Variants in PIK3C3 observed in about 807,000 individuals in gnomAD.
PIK3C3 encodes PI3-kinase type 3.
PIK3C3 carries 95 observed loss-of-function variants against 126.1 expected under a neutral mutation model. The ratio of observed to expected loss-of-function variants is 0.75; its 90% CI spans 0.64 to 0.89. PIK3C3 has a LOEUF of 0.89. PIK3C3 is among the 40% of genes least tolerant of loss of function. The pLI, the probability that PIK3C3 is intolerant of heterozygous loss-of-function variation, is 0.00. For synonymous variants in PIK3C3, 374 were observed against 360.0 expected (o/e 1.04, Z -0.44); for missense variants, 829 against 1,063.2 (o/e 0.78, Z 3.06).
At chr18:42,021,169 T>G (rs1983304488) in intron 13 of PIK3C3, among the ~76,000 whole-genome samples, 1 of 152,192 alleles carries the variant, frequency 6.6e-6, no homozygotes, top group Admixed American at 6.5e-5. Context: ...GATCTAGGAT[T>G]AAATCATTTA....
rs1457209949 is a variant in PIK3C3 at position 42,067,400 on chromosome 18, T to C, written c.2536T>C (p.Phe846Leu). The stretch of plus-strand genomic sequence containing the variant: ...TGTTATCTTATAGGTTCAGGATAAA[T>C]TCCGCTTAGACCTGTCGGATGAAGA... ...DKTVKKVQDK[F>L]RLDLSDEEAV... is the part of the protein sequence containing the mutation. The change falls in exon 24 of 25, where the codon TTC (phenylalanine) becomes CTC (leucine). Residue 846 changes from phenylalanine (F) to leucine (L), a missense_variant. By Grantham distance (22) the Phe-to-Leu change is conservative. Coordinates refer to ENST00000262039, the MANE Select transcript of PIK3C3 (RefSeq NM_002647.4). 6.8e-6 allele frequency: 11 copies of C among 1,613,952 alleles called. No individual in the cohort carries two copies. Among genetic ancestry groups the C allele is most frequent in the Non-Finnish European group, 9.3e-6 (11 of 1,179,920 alleles).
In PIK3C3 at chr18:42,081,468, A is replaced by C. The variant is rs1986248716; in HGVS notation, c.*331A>C. ...ATATGTTGAAATAGTAAAACATTTT[A>C]GTTTTTGAGTTTAAAATGTTATTTT... On this transcript the variant is annotated 3_prime_UTR_variant, in exon 25 of 25. Coordinates refer to ENST00000262039, the MANE Select transcript of PIK3C3 (RefSeq NM_002647.4). 1 of 252,172 alleles carries C rather than the reference A, an allele frequency of 4.0e-6. No homozygotes were observed. Among genetic ancestry groups the C allele is most frequent in the Admixed American group, 5.4e-5 (1 of 18,504 alleles). 15.6% of individuals were successfully genotyped at this position (252,172 alleles called of 1,614,324 possible).
chr18:41,964,210 T>C (rs1980241065), intron 3 of PIK3C3, among the ~76,000 whole-genome samples: 1 of 152,146 alleles, frequency 6.6e-6, no homozygotes, highest in Non-Finnish European at 1.5e-5. Context: ...GTCCCAACAC[T>C]GCTTATTAAA....
chr18:42,050,130 A>G (rs185081667), intron 21 of PIK3C3: 1 of 152,506 alleles, frequency 6.6e-6, no homozygotes, highest in Admixed American at 6.5e-5. Context: ...CATTTTGCCC[A>G]CACTTCTGTA....
At chr18:41,995,500 G>C (rs1177723684) in intron 7 of PIK3C3, among the ~76,000 whole-genome samples, 1 of 152,140 alleles carries the variant, frequency 6.6e-6, no homozygotes, top group African/African-American at 2.4e-5. Context: ...CTGCTAAGAT[G>C]ATAATACAGT....
At chr18:42,065,779 G>A (rs545167058) in intron 23 of PIK3C3, among the ~76,000 whole-genome samples, 18 of 152,092 alleles carry the variant, frequency 1.2e-4, no homozygotes, top group Non-Finnish European at 2.5e-4. Context: ...AACAATTAGT[G>A]TATGTGTTAA....
intron 5 of PIK3C3, among the ~76,000 whole-genome samples, chr18:41,989,124 G>A (rs761847185): frequency 6.6e-6 from 1 of 151,856 alleles, no homozygotes; most frequent in Non-Finnish European, 1.5e-5. Flanking sequence ...AGGTCTTGCT[G>A]TGTCACCCAG....
At position 42,087,305 on chromosome 18, in the gene PIK3C3, T is replaced by C. The variant is rs1986418436; in HGVS notation, c.*6168T>C. 6.6e-6 allele frequency: 1 copy of C among 152,310 alleles called. No individual in the cohort carries two copies. The highest frequency in any genetic ancestry group is 1.5e-5 in the Non-Finnish European group (1 of 68,120). The allele number at this position is 152,310 out of a possible 1,614,324, so 9.4% of individuals were successfully genotyped here. ...TTGGTGGTGAATGCGCCAAATTTTA[T>C]AGTCCGGTTTGAGGAGGTGGTTTCT... On this transcript the variant is annotated 3_prime_UTR_variant, in exon 25 of 25. Coordinates refer to ENST00000262039, the MANE Select transcript of PIK3C3 (RefSeq NM_002647.4).
At chr18:41,986,971 G>T (rs765110661) in intron 4 of PIK3C3, among the ~76,000 whole-genome samples, 1 of 152,036 alleles carries the variant, frequency 6.6e-6, no homozygotes, top group Non-Finnish European at 1.5e-5. Context: ...CAAGAGAGAT[G>T]AAATTGGTGG....
intron 21 of PIK3C3, among the ~76,000 whole-genome samples, chr18:42,056,828 T>C (rs968059016): frequency 1.3e-5 from 2 of 152,076 alleles, no homozygotes; most frequent in Non-Finnish European, 2.9e-5. Context: ...TAAGAGACTA[T>C]AGGGATGCTG....
rs1981837264 is a variant in PIK3C3, at chr18:41,992,706, AG to A, written c.715-563del. 2.0e-5 allele frequency among the ~76,000 whole-genome samples: 3 copies of A among 152,170 alleles called. No individual in the cohort carries two copies. In the South Asian group the frequency reaches 6.2e-4, roughly 31 times the overall value. On this transcript the variant is annotated intron_variant, in intron 6 of 24. Coordinates refer to ENST00000262039, the MANE Select transcript of PIK3C3 (RefSeq NM_002647.4). ...ACTGATTGATTGATTTTATTATTCA[AG>A]TTTAGATTATGTTGAGCAGGTGTCC... is the stretch of plus-strand genomic sequence containing the variant.
chr18:42,020,856 C>T (rs1484238417), intron 13 of PIK3C3, 151 bp downstream of exon 13: 3 of 560,756 alleles, frequency 5.3e-6, no homozygotes, highest in Non-Finnish European at 9.5e-6. Context: ...TCCCTGACAG[C>T]TGGGTTCATG....
At chr18:42,057,429 AT>A (rs1422905117) in intron 21 of PIK3C3, among the ~76,000 whole-genome samples, 1 of 151,916 alleles carries the variant, frequency 6.6e-6, no homozygotes, top group Admixed American at 6.6e-5. Flanking sequence ...CCTTTCTAAA[AT>A]TTTTTTTGAG....
intron 12 of PIK3C3, among the ~76,000 whole-genome samples, chr18:42,018,629 T>G (rs1983183223): frequency 6.6e-6 from 1 of 152,084 alleles, no homozygotes; most frequent in Non-Finnish European, 1.5e-5. Context: ...CTCTTATTAC[T>G]CGGACTTTAC....
At chr18:42,043,274 G>T (rs758730763) in intron 19 of PIK3C3, among the ~76,000 whole-genome samples, 2 of 151,920 alleles carry the variant, frequency 1.3e-5, no homozygotes, top group Non-Finnish European at 1.5e-5. Flanking sequence ...TTGTATTTTA[G>T]TAGAGACTGG....
At chr18:41,970,635 C>A in intron 4 of PIK3C3, 179 bp downstream of exon 4, 1 of 644,920 alleles carries the variant, frequency 1.6e-6, no homozygotes, top group South Asian at 1.9e-5. Context: ...AGCATACAGT[C>A]TGATGGTTTA....
chr18:42,007,162 C>G (rs984261610), intron 10 of PIK3C3, among the ~76,000 whole-genome samples: 4 of 152,126 alleles, frequency 2.6e-5, no homozygotes, highest in Non-Finnish European at 5.9e-5. Context: ...GCCACCACAC[C>G]CGGCCTTAAA....
chr18:41,991,845 GA>G (rs1169040578), intron 6 of PIK3C3, among the ~76,000 whole-genome samples: 4 of 151,954 alleles, frequency 2.6e-5, no homozygotes, highest in African/African-American at 7.3e-5. Context: ...TAATTTATTA[GA>G]AAAAATACAT....
chr18:42,042,458 G>A (rs1048462159), intron 19 of PIK3C3, among the ~76,000 whole-genome samples: 1 of 152,148 alleles, frequency 6.6e-6, no homozygotes, highest in Non-Finnish European at 1.5e-5. Flanking sequence ...CTGGGGACCC[G>A]TTTAACATAC....
Sources: gnomAD v4.1 joint callset for allele counts (sites outside exome capture counted in the v4.1 genomes callset) on GRCh38, gnomAD v4.1.1 for gene constraint, MANE v1.5 for transcripts, NCBI Gene and HGNC (gene_info 2026-07-23, HGNC 2026-07-21) for gene names.